The following GFRA2 variants were observed in gnomAD, a reference collection of about 807,000 sequenced individuals.
GFRA2 encodes GDNF family receptor alpha-2.
A neutral mutation model predicts 48.3 loss-of-function variants in GFRA2; 17 were observed. The ratio of observed to expected loss-of-function variants is 0.35; its 90% confidence interval spans 0.24 to 0.53. The LOEUF is 0.53. Among genes scored for constraint, GFRA2 ranks in the 20% least tolerant of loss-of-function variants. GFRA2 has a pLI of 0.93. For synonymous variants in GFRA2, 305 were observed against 257.2 expected (o/e 1.19, Z -1.78); for missense variants, 660 against 637.3 (o/e 1.04, Z -0.38).
At chr8:21,746,394 A>G (rs1805007655) in intron 4 of GFRA2, among the ~76,000 whole-genome samples, 1 of 152,080 alleles carries the variant, frequency 6.6e-6, no homozygotes. Flanking sequence ...CCACATTGAA[A>G]TTTGCATGCA....
intron 2 of GFRA2, among the ~76,000 whole-genome samples, chr8:21,796,867 A>G (rs908722416): frequency 1.3e-5 from 2 of 152,250 alleles, no homozygotes; most frequent in African/African-American, 4.8e-5. Context: ...CATGACAACA[A>G]TAATGAACTA....
At position 21,804,776 on chromosome 8, in the gene GFRA2, C is replaced by A. The variant is rs570431614; in HGVS notation, c.-36+241G>T. 4.6e-5 allele frequency among the ~76,000 whole-genome samples: 7 copies of A among 152,244 alleles called. No individual in the cohort carries two copies. In the South Asian group the frequency reaches 8.3e-4, roughly 18 times the overall value. ...AAGAGCAGAGTGTCTGGCCTGCTGG[C>A]TGGGGCTTCTGGGCTCATAAGCTCT... is the stretch of plus-strand genomic sequence containing the variant. On this transcript the variant is annotated intron_variant, in intron 2 of 10. Coordinates refer to the GFRA2 transcript ENST00000517328.
intron 4 of GFRA2, among the ~76,000 whole-genome samples, chr8:21,735,508 C>T (rs1016048756): frequency 6.6e-6 from 1 of 152,168 alleles, no homozygotes; most frequent in Non-Finnish European, 1.5e-5. Flanking sequence ...GTCCAGAGCA[C>T]AGAGAGCCGC....
chr8:21,706,268 A>C, intron 4 of GFRA2: 1 of 652,926 alleles, frequency 1.5e-6, no homozygotes. Flanking sequence ...AGTGCGGCTT[A>C]AGAAAAACCC....
intron 4 of GFRA2, among the ~76,000 whole-genome samples, chr8:21,713,743 A>T (rs1277138201): frequency 6.6e-6 from 1 of 152,170 alleles, no homozygotes; most frequent in Non-Finnish European, 1.5e-5. Flanking sequence ...GACAAGCAAT[A>T]TCTGAAATTC....
chr8:21,749,267 T>C (rs1805159054), intron 4 of GFRA2, among the ~76,000 whole-genome samples: 1 of 143,036 alleles, frequency 7.0e-6, no homozygotes, highest in Non-Finnish European at 1.5e-5. Context: ...ACCTTCCTAA[T>C]AATGAGGCTA....
chr8:21,730,913 G>A (rs1252619960), intron 4 of GFRA2, among the ~76,000 whole-genome samples: 1 of 152,160 alleles, frequency 6.6e-6, no homozygotes, highest in Non-Finnish European at 1.5e-5. Context: ...TAAAGGAGCA[G>A]GCCCAGAGAA....
intron 3 of GFRA2, among the ~76,000 whole-genome samples, chr8:21,774,328 T>C (rs1390280783): frequency 1.3e-5 from 2 of 151,982 alleles, no homozygotes; most frequent in African/African-American, 2.4e-5. Context: ...TAGAACCCAA[T>C]GGAGACGGTA....
chr8:21,777,144 C>A (rs1806745989), intron 2 of GFRA2, among the ~76,000 whole-genome samples: 3 of 152,158 alleles, frequency 2.0e-5, no homozygotes, highest in Non-Finnish European at 4.4e-5. Context: ...ACCAAGGTCA[C>A]ACAGCTAACA....
chr8:21,784,620 C>T (rs1807179225), intron 1 of GFRA2, among the ~76,000 whole-genome samples: 1 of 152,152 alleles, frequency 6.6e-6, no homozygotes, highest in African/African-American at 2.4e-5. Flanking sequence ...CCAGGAGACC[C>T]ATCCCTAGGG....
intron 1 of GFRA2, among the ~76,000 whole-genome samples, chr8:21,807,662 C>T (rs1050210837): frequency 2.6e-5 from 4 of 152,180 alleles, no homozygotes; most frequent in East Asian, 3.9e-4. Flanking sequence ...TGTGCATGCA[C>T]ACCCCTTGTG....
At chr8:21,786,828 A>G (rs952488416) in intron 1 of GFRA2, among the ~76,000 whole-genome samples, 7 of 152,124 alleles carry the variant, frequency 4.6e-5, no homozygotes, top group African/African-American at 1.7e-4. Context: ...TCCTGTAACC[A>G]GCTCCTACCT....
intron 4 of GFRA2, among the ~76,000 whole-genome samples, chr8:21,723,857 G>A (rs966700734): frequency 1.3e-5 from 2 of 152,190 alleles, no homozygotes; most frequent in African/African-American, 4.8e-5. Context: ...GGGCATCTGG[G>A]GTGCTAGGTC....
At chr8:21,773,431 G>T (rs972170755) in intron 3 of GFRA2, among the ~76,000 whole-genome samples, 2 of 152,204 alleles carry the variant, frequency 1.3e-5, no homozygotes, top group Non-Finnish European at 2.9e-5. Context: ...CCCTTCCTGG[G>T]CATCCAAGAT....
chr8:21,705,004 G>A lies in GFRA2; in HGVS notation c.1026C>T (p.Phe342=). ...EEECEKFLRD[F]TENPCLRNAI... is the part of the protein sequence containing the mutation. The stretch of plus-strand genomic sequence containing the variant: ...ACTTACGGAGGCATGGGTTCTCGGT[G>A]AAGTCCCTGAGGAACTTCTCACACT... The change falls in exon 6 of 9, where the codon TTC becomes TTT. Residue 342 remains phenylalanine (F), a synonymous_variant. Coordinates refer to ENST00000524240, the MANE Select transcript of GFRA2 (RefSeq NM_001495.5). 1 of 1,610,828 alleles carries A rather than the reference G, an allele frequency of 6.2e-7. No homozygotes were observed. Among genetic ancestry groups the A allele is most frequent in the Non-Finnish European group, 8.5e-7 (1 of 1,179,096 alleles).
At chr8:21,711,966 C>A (rs951582715) in intron 4 of GFRA2, among the ~76,000 whole-genome samples, 1 of 152,208 alleles carries the variant, frequency 6.6e-6, no homozygotes, top group Non-Finnish European at 1.5e-5. Flanking sequence ...TGAGTGGACA[C>A]AGCACATGTT....
chr8:21,787,550 G>A (rs1356261550), intron 1 of GFRA2, among the ~76,000 whole-genome samples: 1 of 152,152 alleles, frequency 6.6e-6, no homozygotes, highest in Admixed American at 6.5e-5. Flanking sequence ...GGCTCAGGGC[G>A]TGGGGACGCG....
chr8:21,702,707 A>T, intron 7 of GFRA2, 98 bp downstream of exon 7: 4 of 1,252,744 alleles, frequency 3.2e-6, no homozygotes, highest in Non-Finnish European at 4.3e-6. Flanking sequence ...TCCCTGATCC[A>T]AAGGGAGGAC....
intron 4 of GFRA2, among the ~76,000 whole-genome samples, chr8:21,720,231 A>G (rs1244524330): frequency 6.6e-6 from 1 of 152,216 alleles, no homozygotes; most frequent in Admixed American, 6.5e-5. Flanking sequence ...TAGGCTGAGC[A>G]TGAACTTCTT....
Sources: gnomAD v4.1 joint callset for allele counts (sites outside exome capture counted in the v4.1 genomes callset) on GRCh38, gnomAD v4.1.1 for gene constraint, MANE v1.5 for transcripts, NCBI Gene and HGNC (gene_info 2026-07-23, HGNC 2026-07-21) for gene names.